Variants in ABCC9 observed in about 807,000 individuals in gnomAD.
ABCC9 encodes the protein ATP binding cassette subfamily C member 9, also known as ATP-binding cassette sub-family C member 9.
ABCC9 carries 95 observed loss-of-function variants against 188.3 expected under a neutral mutation model. The ratio of observed to expected loss-of-function variants is 0.50; its 90% CI spans 0.43 to 0.60. ABCC9 has a LOEUF of 0.60. ABCC9 is among the 20% of genes least tolerant of loss of function. ABCC9 has a pLI of 0.00. For missense variants in ABCC9, 1,102 were observed against 1,876.3 expected, an observed-to-expected ratio of 0.59 and a Z score of 7.62; for synonymous variants, 659 against 652.7, an observed-to-expected ratio of 1.01 and a Z score of -0.15.
Position 21,818,165 on chromosome 12 carries a change from A to T in ABCC9, c.3756T>A (p.Leu1252=). ...CCATACCTACCGTAAGTGCATACAG[A>T]AGACCCAAGCCTACCAATCCAGAAT... ...SSNSGLVGLG[L]LYALTITNYL... is the part of the protein sequence containing the mutation. The change falls in exon 32 of 40, where the codon CTT becomes CTA. Residue 1252 remains leucine (L), a synonymous_variant. Coordinates refer to ENST00000261200, the MANE Select transcript of ABCC9 (RefSeq NM_020297.4). 6.2e-7 allele frequency: 1 copy of T among 1,613,230 alleles called. No individual in the cohort carries two copies. Among genetic ancestry groups the T allele is most frequent in the African/African-American group, 1.3e-5 (1 of 75,012 alleles).
intron 29 of ABCC9, among the ~76,000 whole-genome samples, chr12:21,840,146 A>G (rs570898592): frequency 1.3e-5 from 2 of 152,302 alleles, no homozygotes; most frequent in South Asian, 4.1e-4. Context: ...AAAGCTAAGC[A>G]AGCATTTGAT....
At chr12:21,873,041 G>A (rs73074941) in intron 17 of ABCC9, among the ~76,000 whole-genome samples, 7 of 151,786 alleles carry the variant, frequency 4.6e-5, no homozygotes, top group Non-Finnish European at 1.0e-4. Flanking sequence ...GAATAAAAAG[G>A]GCAGTTTTGA....
intron 16 of ABCC9, among the ~76,000 whole-genome samples, chr12:21,881,303 T>C (rs1283229044): frequency 6.6e-6 from 1 of 152,194 alleles, no homozygotes; most frequent in Non-Finnish European, 1.5e-5. Context: ...ATTACCAATT[T>C]GTGAGCTTTC....
chr12:21,841,093 C>T (rs1944361627), intron 29 of ABCC9, among the ~76,000 whole-genome samples: 1 of 152,192 alleles, frequency 6.6e-6, no homozygotes, highest in Non-Finnish European at 1.5e-5. Context: ...ATATCAATCT[C>T]TTCACCTGTC....
rs920128456 is a variant in ABCC9, at chr12:21,799,103, G to T, written c.*1941C>A. ...CACACTCTGGGGACTGTGGTGGGGT[G>T]GGGGGAGTGGGGAGGGATAGCATTG... is the stretch of plus-strand genomic sequence containing the variant. On this transcript the variant is annotated 3_prime_UTR_variant, in exon 40 of 40. Coordinates refer to ENST00000261200, the MANE Select transcript of ABCC9 (RefSeq NM_020297.4). 4.2e-3 allele frequency: 623 copies of T among 148,438 alleles called. 2 individuals are homozygous for T. Among genetic ancestry groups the T allele is most frequent in the African/African-American group, 0.015 (591 of 40,286 alleles). The allele number at this position is 148,438 out of a possible 1,614,324, so 9.2% of individuals were successfully genotyped here.
At chr12:21,874,535 G>A (rs1946245868) in intron 17 of ABCC9, among the ~76,000 whole-genome samples, 1 of 152,026 alleles carries the variant, frequency 6.6e-6, no homozygotes, top group Admixed American at 6.6e-5. Context: ...TCAGAATTAG[G>A]GTCTCAAAGA....
rs3842294 is a variant in ABCC9 at position 21,845,137 on chromosome 12, C to CT, written c.3097-223dup. On this transcript the variant is annotated intron_variant, in intron 26 of 39. Transcript: ENST00000261200. ...TCCCTTCACTCTCCTTCAAGGCTTGCTTAAAAGCAGATGAAGAGAAAGAGT... is the reference window on the plus strand; with the variant it reads ...TCCCTTCACTCTCCTTCAAGGCTTGCTTTAAAAGCAGATGAAGAGAAAGAGT... 0.54 allele frequency among the ~76,000 whole-genome samples: 82,370 copies of CT among 151,414 alleles called. 23,026 individuals are homozygous for CT. The highest frequency in any genetic ancestry group is 0.64 in the African/African-American group (26,333 of 41,214).
At chr12:21,938,407 A>G (rs1030617946) in intron 2 of ABCC9, among the ~76,000 whole-genome samples, 2 of 152,200 alleles carry the variant, frequency 1.3e-5, no homozygotes, top group Admixed American at 1.3e-4. Context: ...AAAGAATAAA[A>G]GGGACTTGAA....
At chr12:21,924,013 T>C (rs533240892) in intron 5 of ABCC9, 24 of 478,366 alleles carry the variant, frequency 5.0e-5, no homozygotes, top group Non-Finnish European at 8.8e-5. Flanking sequence ...TAAAAGTCTA[T>C]ACTGTGTCAT....
chr12:21,898,615 A>G (rs944846520), intron 12 of ABCC9, among the ~76,000 whole-genome samples: 1 of 152,242 alleles, frequency 6.6e-6, no homozygotes, highest in Non-Finnish European at 1.5e-5. Flanking sequence ...ATTCAAGAGG[A>G]AACAATATAT....
intron 33 of ABCC9, among the ~76,000 whole-genome samples, chr12:21,816,173 C>T (rs929717140): frequency 6.7e-6 from 1 of 149,712 alleles, no homozygotes; most frequent in African/African-American, 2.5e-5. Context: ...CCATCATCAT[C>T]TCTCCTTAGC....
intron 16 of ABCC9, among the ~76,000 whole-genome samples, chr12:21,878,927 C>T (rs1007041909): frequency 6.6e-6 from 1 of 152,124 alleles, no homozygotes; most frequent in East Asian, 1.9e-4. Context: ...TCCTGACTTC[C>T]CCAACTAGAT....
chr12:21,811,375 T>C (rs1032101840), intron 36 of ABCC9, among the ~76,000 whole-genome samples: 8 of 152,186 alleles, frequency 5.3e-5, no homozygotes, highest in Non-Finnish European at 1.5e-5. Context: ...GATGCCAACA[T>C]GGACTTTGGA....
intron 21 of ABCC9, 76 bp from the exon 22 acceptor site, chr12:21,859,742 C>T: frequency 8.1e-7 from 1 of 1,237,114 alleles, no homozygotes. Flanking sequence ...CCTTAAATTA[C>T]AAACGTCTTT....
At chr12:21,915,231 G>GTA (rs1488809409) in intron 7 of ABCC9, among the ~76,000 whole-genome samples, 2 of 89,298 alleles carry the variant, frequency 2.2e-5, no homozygotes, top group African/African-American at 4.1e-5. Flanking sequence ...ATATATGTGT[G>GTA]TGTGTGTGTG....
Position 21,908,068 on chromosome 12 carries a change from G to A in ABCC9, c.1455+9C>T. On this transcript the variant is annotated intron_variant, in intron 11 of 39. Coordinates refer to ENST00000261200, the MANE Select transcript of ABCC9 (RefSeq NM_020297.4). ...TTTTGTAATTAAGTTTCCAAAAGATGTTACTTACAAGTGTACTTTTCTGAG... is the reference window on the plus strand; with the variant it reads ...TTTTGTAATTAAGTTTCCAAAAGATATTACTTACAAGTGTACTTTTCTGAG... 6.2e-7 allele frequency: 1 copy of A among 1,611,698 alleles called. No homozygotes were observed. Among genetic ancestry groups the A allele is most frequent in the Middle Eastern group, 1.7e-4 (1 of 6,054 alleles).
intron 35 of ABCC9, among the ~76,000 whole-genome samples, chr12:21,813,705 T>C (rs1942418131): frequency 8.5e-5 from 13 of 152,170 alleles, no homozygotes; most frequent in Admixed American, 8.5e-4. Flanking sequence ...ATGGAAAAAA[T>C]AAGCTGCTAA....
At chr12:21,929,136 A>T (rs1169940722) in intron 4 of ABCC9, among the ~76,000 whole-genome samples, 1 of 152,176 alleles carries the variant, frequency 6.6e-6, no homozygotes, top group African/African-American at 2.4e-5. Context: ...AACAAGCAAC[A>T]TATAGAACTT....
At chr12:21,811,105 C>A (rs915917760) in intron 36 of ABCC9, among the ~76,000 whole-genome samples, 1 of 152,090 alleles carries the variant, frequency 6.6e-6, no homozygotes, top group Non-Finnish European at 1.5e-5. Flanking sequence ...GGGGCAGTTT[C>A]CCCCATGCTG....
Sources: allele counts gnomAD v4.1 joint callset (sites outside exome capture counted in the v4.1 genomes callset), GRCh38; gene constraint gnomAD v4.1.1; transcripts MANE v1.5; gene names NCBI Gene and HGNC (gene_info 2026-07-23, HGNC 2026-07-21).